DSCAM: variants seen among roughly 807,000 people sequenced by gnomAD.
DSCAM encodes cell adhesion molecule DSCAM.
DSCAM carries 47 observed loss-of-function variants against 217.7 expected under a neutral mutation model. That is an observed-to-expected ratio of 0.22 (90% CI 0.17 to 0.28). The LOEUF (loss-of-function observed/expected upper bound fraction) is 0.28, where lower values mean the gene tolerates loss of function less well. DSCAM is among the 10% of genes least tolerant of loss of function. The pLI, the probability that DSCAM is intolerant of heterozygous loss-of-function variation, is 1.00. For missense variants in DSCAM, 2,080 were observed against 2,618.3 expected (o/e 0.79, Z 4.49); for synonymous variants, 1,056 against 1,015.3 (o/e 1.04, Z -0.76).
Position 40,075,204 on chromosome 21 carries a change from G to A in DSCAM, c.4721C>T (p.Pro1574Leu). Residue 1574 changes from proline (P) to leucine (L), a missense_variant, in exon 27 of 33, where the codon CCT becomes CTT. Pro to Leu is a moderately conservative substitution (Grantham distance 98). Transcript: ENST00000400454. ...ATLNYDGSTI[P>L]PLIKSVVQNE... is the part of the protein sequence containing the mutation. The stretch of plus-strand genomic sequence containing the variant: ...TTGGACAACTGACTTAATGAGTGGA[G>A]GAATTGTACCTGAAAGCAGGGCCAC... The A allele has an allele frequency of 6.2e-7, 1 of 1,614,180 alleles. No homozygotes were observed. The highest frequency in any genetic ancestry group is 8.5e-7 in the Non-Finnish European group (1 of 1,180,028).
intron 3 of DSCAM, among the ~76,000 whole-genome samples, chr21:40,653,615 G>A (rs908585327): frequency 6.6e-6 from 1 of 152,122 alleles, no homozygotes; most frequent in Non-Finnish European, 1.5e-5. Context: ...TTAGCCCCAG[G>A]TTAGACTCCT....
chr21:40,078,111 C>A (rs921114119), intron 26 of DSCAM, among the ~76,000 whole-genome samples: 5 of 152,172 alleles, frequency 3.3e-5, no homozygotes, highest in African/African-American at 1.2e-4. Context: ...TCAAGAGACA[C>A]CTCACCTAGT....
intron 4 of DSCAM, among the ~76,000 whole-genome samples, chr21:40,356,464 ACCT>A (rs2074694506): frequency 6.6e-6 from 1 of 151,834 alleles, no homozygotes; most frequent in Admixed American, 6.6e-5. Flanking sequence ...ATTTTTCAAT[ACCT>A]CAATTAACCT....
At chr21:40,708,322 G>T in intron 2 of DSCAM, 132 bp downstream of exon 2, 1 of 707,054 alleles carries the variant, frequency 1.4e-6, no homozygotes, top group Non-Finnish European at 2.1e-6. Context: ...GAAGTCATCA[G>T]CAAGGTCAGA....
chr21:40,189,959 T>C (rs1369882714), intron 11 of DSCAM, among the ~76,000 whole-genome samples: 1 of 152,216 alleles, frequency 6.6e-6, no homozygotes, highest in Admixed American at 6.5e-5. Flanking sequence ...ACTTCCACTT[T>C]TAGTCAACTT....
At chr21:40,277,347 G>A (rs555670042) in intron 10 of DSCAM, among the ~76,000 whole-genome samples, 18 of 152,156 alleles carry the variant, frequency 1.2e-4, no homozygotes, top group Non-Finnish European at 2.6e-4. Context: ...TCTGAGGACA[G>A]GAGAATGGGA....
At chr21:40,018,461 C>T (rs775316523) in intron 32 of DSCAM, among the ~76,000 whole-genome samples, 5 of 151,954 alleles carry the variant, frequency 3.3e-5, no homozygotes, top group Non-Finnish European at 5.9e-5. Context: ...GTCAAGAATG[C>T]CTCATGCTCT....
chr21:40,312,487 T>C (rs2074150424), intron 8 of DSCAM, 128 bp from the exon 9 acceptor site: 1 of 1,079,086 alleles, frequency 9.3e-7, no homozygotes, highest in East Asian at 2.6e-5. Context: ...ACAGGAACTG[T>C]AGCAAATTTG....
intron 3 of DSCAM, among the ~76,000 whole-genome samples, chr21:40,396,823 ACC>A (rs1405117280): frequency 6.6e-6 from 1 of 152,036 alleles, no homozygotes; most frequent in African/African-American, 2.4e-5. Context: ...ATAGAAATTG[ACC>A]CTCCCAGTCT....
Position 40,093,994 on chromosome 21 carries a change from T to C in DSCAM, c.3697-120A>G, listed in dbSNP as rs2089645472. ...AACAAAAAAACTCAACTCACTCTCC[T>C]CTAAAAGGCTGGCTTTGCAATATAA... On this transcript the variant is annotated intron_variant, in intron 20 of 32. Transcript: ENST00000400454. The C allele has an allele frequency of 1.2e-5, 12 of 1,041,858 alleles. No homozygotes were observed. In the East Asian group the frequency reaches 3.1e-4, roughly 27 times the overall value. The allele number at this position is 1,041,858 out of a possible 1,614,324, so 64.5% of individuals were successfully genotyped here.
intron 7 of DSCAM, 140 bp from the exon 8 acceptor site, chr21:40,338,516 A>C: frequency 2.1e-6 from 2 of 935,110 alleles, no homozygotes; most frequent in Non-Finnish European, 3.0e-6. Flanking sequence ...ATATTTTTGC[A>C]TGTGGCATTT....
At chr21:40,821,605 G>A (rs2091928906) in intron 1 of DSCAM, among the ~76,000 whole-genome samples, 1 of 152,050 alleles carries the variant, frequency 6.6e-6, no homozygotes, top group African/African-American at 2.4e-5. Flanking sequence ...TCCCTGAAAA[G>A]GATATGATCT....
At chr21:40,053,757 C>T (rs1213767743) in intron 29 of DSCAM, among the ~76,000 whole-genome samples, 1 of 152,144 alleles carries the variant, frequency 6.6e-6, no homozygotes, top group Non-Finnish European at 1.5e-5. Flanking sequence ...CTCTGGCGAA[C>T]GGTCATATTT....
intron 4 of DSCAM, among the ~76,000 whole-genome samples, chr21:40,357,360 A>T (rs1169989423): frequency 6.6e-6 from 1 of 152,212 alleles, no homozygotes; most frequent in Non-Finnish European, 1.5e-5. Flanking sequence ...TTCTAGCATG[A>T]ACCAAGAATC....
At chr21:40,293,200 C>T (rs905993689) in intron 10 of DSCAM, among the ~76,000 whole-genome samples, 4 of 152,152 alleles carry the variant, frequency 2.6e-5, no homozygotes, top group African/African-American at 4.8e-5. Flanking sequence ...TAGCCAGGGG[C>T]GACCCGGCCA....
chr21:40,487,326 T>TGAGAGAGA (rs10598197), intron 3 of DSCAM, among the ~76,000 whole-genome samples: 3 of 72,850 alleles, frequency 4.1e-5, no homozygotes, highest in African/African-American at 2.2e-4. Context: ...TGTGTGTGTG[T>TGAGAGAGA]GAGAGAGAGA....
At chr21:40,778,822 T>A (rs1248893568) in intron 1 of DSCAM, among the ~76,000 whole-genome samples, 1 of 151,816 alleles carries the variant, frequency 6.6e-6, no homozygotes, top group East Asian at 1.9e-4. Flanking sequence ...GTCGGGGGTT[T>A]GAGACCAACC....
intron 3 of DSCAM, among the ~76,000 whole-genome samples, chr21:40,376,654 C>CA (rs1569093224): frequency 7.0e-6 from 1 of 143,498 alleles, no homozygotes; most frequent in African/African-American, 2.6e-5. Flanking sequence ...ATATCGATAT[C>CA]TATATATCTT....
chr21:40,823,436 C>T (rs775293803), intron 1 of DSCAM, among the ~76,000 whole-genome samples: 1 of 152,094 alleles, frequency 6.6e-6, no homozygotes, highest in East Asian at 1.9e-4. Flanking sequence ...GCTTTCAAAA[C>T]TCACAACGTG....
Sources: gnomAD v4.1 joint callset for allele counts (sites outside exome capture counted in the v4.1 genomes callset) on GRCh38, gnomAD v4.1.1 for gene constraint, MANE v1.5 for transcripts, NCBI Gene and HGNC (gene_info 2026-07-23, HGNC 2026-07-21) for gene names.